The following ELAVL2 variants were observed in gnomAD, a reference collection of about 807,000 sequenced individuals.
ELAVL2 encodes ELAV-like protein 2.
Under a neutral mutation model 34.6 loss-of-function variants are expected in ELAVL2, and 4 were observed. That is an observed-to-expected ratio of 0.12 (90% CI 0.06 to 0.26). The LOEUF (loss-of-function observed/expected upper bound fraction) is 0.26. ELAVL2 is among the 10% of genes least tolerant of loss of function. The pLI, the probability that ELAVL2 is intolerant of heterozygous loss-of-function variation, is 1.00. For missense variants in ELAVL2, 432 were observed against 442.8 expected (o/e 0.98, Z 0.22); for synonymous variants, 193 against 154.8 (o/e 1.25, Z -1.83).
intron 2 of ELAVL2, among the ~76,000 whole-genome samples, chr9:23,753,621 T>A (rs949289777): frequency 6.6e-6 from 1 of 152,124 alleles, no homozygotes; most frequent in Non-Finnish European, 1.5e-5. Flanking sequence ...CATATCACAA[T>A]TTAACTGTTT....
At chr9:23,737,875 G>A (rs755543052) in intron 2 of ELAVL2, among the ~76,000 whole-genome samples, 1 of 152,122 alleles carries the variant, frequency 6.6e-6, no homozygotes, top group Non-Finnish European at 1.5e-5. Flanking sequence ...GGAAAGATTC[G>A]CTTCCTCCAA....
At chr9:23,753,535 G>A (rs2052690579) in intron 2 of ELAVL2, among the ~76,000 whole-genome samples, 1 of 151,836 alleles carries the variant, frequency 6.6e-6, no homozygotes, top group African/African-American at 2.4e-5. Flanking sequence ...TAAAAATGGG[G>A]GGTATAAATC....
chr9:23,768,450 T>C (rs1163370599), intron 1 of ELAVL2, among the ~76,000 whole-genome samples: 2 of 152,088 alleles, frequency 1.3e-5, no homozygotes, highest in Admixed American at 6.5e-5. Context: ...TAACTTTTTT[T>C]TTTTTTTTTA....
At chr9:23,756,521 CA>C (rs777109559) in intron 2 of ELAVL2, among the ~76,000 whole-genome samples, 9 of 152,028 alleles carry the variant, frequency 5.9e-5, no homozygotes, top group Non-Finnish European at 8.8e-5. Context: ...AGTGAAAGAA[CA>C]ATCTACCCTG....
intron 1 of ELAVL2, among the ~76,000 whole-genome samples, chr9:23,772,322 T>C (rs1027169052): frequency 6.6e-6 from 1 of 151,906 alleles, no homozygotes; most frequent in African/African-American, 2.4e-5. Context: ...ATGTACAAAC[T>C]CCAAAGCAGA....
intron 2 of ELAVL2, among the ~76,000 whole-genome samples, chr9:23,746,921 A>C (rs890047348): frequency 2.6e-5 from 4 of 152,204 alleles, no homozygotes; most frequent in Admixed American, 2.0e-4. Context: ...AGTGGACCAG[A>C]CTATACTTTA....
chr9:23,792,286 T>G (rs992690427), intron 1 of ELAVL2, among the ~76,000 whole-genome samples: 1 of 152,238 alleles, frequency 6.6e-6, no homozygotes, highest in African/African-American at 2.4e-5. Flanking sequence ...ACTTATGACA[T>G]CTTCAACTTA....
At chr9:23,727,660 G>A (rs962887357) in intron 3 of ELAVL2, among the ~76,000 whole-genome samples, 4 of 152,030 alleles carry the variant, frequency 2.6e-5, no homozygotes, top group African/African-American at 9.7e-5. Context: ...ATCTACAGTG[G>A]ATCCCAGAAA....
intron 1 of ELAVL2, among the ~76,000 whole-genome samples, chr9:23,792,970 C>T (rs1309123942): frequency 6.6e-6 from 1 of 151,940 alleles, no homozygotes; most frequent in African/African-American, 2.4e-5. Flanking sequence ...GACACAGGGT[C>T]CTCACTATGT....
chr9:23,769,949 T>A (rs892985336), intron 1 of ELAVL2, among the ~76,000 whole-genome samples: 1 of 152,152 alleles, frequency 6.6e-6, no homozygotes, highest in African/African-American at 2.4e-5. Flanking sequence ...GTCCTTCTCT[T>A]CAGTCTAAGT....
intron 4 of ELAVL2, among the ~76,000 whole-genome samples, chr9:23,704,163 C>G (rs1405161716): frequency 2.8e-5 from 3 of 107,158 alleles, no homozygotes. Context: ...AACTCCCAGC[C>G]TCAGGTGATC....
intron 1 of ELAVL2, among the ~76,000 whole-genome samples, chr9:23,823,603 A>C (rs2138657926): frequency 6.6e-6 from 1 of 152,122 alleles, no homozygotes; most frequent in African/African-American, 2.4e-5. Flanking sequence ...TAAAATGTTA[A>C]CCCCATAACA....
intron 1 of ELAVL2, among the ~76,000 whole-genome samples, chr9:23,819,207 T>G (rs1383983272): frequency 6.6e-6 from 1 of 152,154 alleles, no homozygotes; most frequent in Non-Finnish European, 1.5e-5. Flanking sequence ...ATTCAAGGAA[T>G]GATGGTATAT....
At chr9:23,829,123 C>T (rs2138733175), upstream of ELAVL2, among the ~76,000 whole-genome samples, 1 of 152,290 alleles carries the variant, frequency 6.6e-6, no homozygotes, top group South Asian at 2.1e-4. Context: ...TGAACTCTGA[C>T]ATATCTTCCA....
chr9:23,789,184 A>G (rs2060053391), intron 1 of ELAVL2, among the ~76,000 whole-genome samples: 3 of 152,252 alleles, frequency 2.0e-5, no homozygotes, highest in South Asian at 4.1e-4. Flanking sequence ...ATTAGTCCCT[A>G]TATAGAGGGA....
intron 1 of ELAVL2, among the ~76,000 whole-genome samples, chr9:23,800,306 T>C (rs1412964101): frequency 1.3e-5 from 2 of 152,138 alleles, no homozygotes; most frequent in African/African-American, 4.8e-5. Context: ...GAGTTCCTAT[T>C]CCTCTTCTCA....
At chr9:23,711,478 C>A (rs1462294027) in intron 3 of ELAVL2, among the ~76,000 whole-genome samples, 1 of 152,156 alleles carries the variant, frequency 6.6e-6, no homozygotes, top group Non-Finnish European at 1.5e-5. Flanking sequence ...GCACTGGCTA[C>A]CTCTTCCATA....
At chr9:23,813,330 G>A in intron 1 of ELAVL2, among the ~76,000 whole-genome samples, 1 of 151,770 alleles carries the variant, frequency 6.6e-6, no homozygotes, top group East Asian at 1.9e-4. Flanking sequence ...GGGAGAAAAG[G>A]CTGAAGACTG....
At chr9:23,755,655 A>T (rs2053372187) in intron 2 of ELAVL2, among the ~76,000 whole-genome samples, 1 of 152,198 alleles carries the variant, frequency 6.6e-6, no homozygotes, top group East Asian at 1.9e-4. Flanking sequence ...AAATAGATTC[A>T]AATGTACTGT....
Sources: allele counts gnomAD v4.1 joint callset (sites outside exome capture counted in the v4.1 genomes callset), GRCh38; gene constraint gnomAD v4.1.1; transcripts MANE v1.5; gene names NCBI Gene and HGNC (gene_info 2026-07-23, HGNC 2026-07-21).